KLF12: variants seen among roughly 807,000 people sequenced by gnomAD.
The protein encoded by KLF12 is Krueppel-like factor 12.
Under a neutral mutation model 37.8 loss-of-function variants are expected in KLF12, and 9 were observed. The ratio of observed to expected loss-of-function variants is 0.24; its 90% CI spans 0.14 to 0.42. The LOEUF is 0.42. KLF12 is among the 10% of genes least tolerant of loss of function. KLF12 has a pLI of 1.00. For synonymous variants in KLF12, 208 were observed against 202.1 expected (o/e 1.03, Z -0.25); for missense variants, 411 against 516.0 (o/e 0.80, Z 1.97).
intron 4 of KLF12, among the ~76,000 whole-genome samples, chr13:73,819,956 G>C (rs1883432840): frequency 6.6e-6 from 1 of 152,158 alleles, no homozygotes; most frequent in Non-Finnish European, 1.5e-5. Context: ...GCTGTGGCTG[G>C]AACCAATACA....
At chr13:74,218,481 C>T in the KLF12 span, among the ~76,000 whole-genome samples, 1 of 152,074 alleles carries the variant, frequency 6.6e-6, no homozygotes, top group Non-Finnish European at 1.5e-5. Context: ...TACTAACTGC[C>T]CCCGCTCCGC....
chr13:74,275,982 C>T, the KLF12 span, among the ~76,000 whole-genome samples: 1 of 148,272 alleles, frequency 6.7e-6, no homozygotes. Context: ...TACTTTAAGT[C>T]CTGGGATATA....
chr13:73,949,421 CTATTAA>C (rs1484435529), intron 2 of KLF12, among the ~76,000 whole-genome samples: 1 of 152,180 alleles, frequency 6.6e-6, no homozygotes, highest in Non-Finnish European at 1.5e-5. Flanking sequence ...TATTTCAAAG[CTATTAA>C]TATTTTTTTT....
intron 3 of KLF12, among the ~76,000 whole-genome samples, chr13:73,887,638 A>C (rs1358810375): frequency 7.2e-6 from 1 of 139,264 alleles, no homozygotes; most frequent in Admixed American, 7.6e-5. Flanking sequence ...GCCCAGTCTC[A>C]GGTATTTCTT....
intron 1 of KLF12, among the ~76,000 whole-genome samples, chr13:74,039,836 CTG>C (rs965742435): frequency 6.6e-6 from 1 of 152,230 alleles, no homozygotes; most frequent in African/African-American, 2.4e-5. Flanking sequence ...CTCCACTAAA[CTG>C]TTGTCTGACA....
intron 2 of KLF12, among the ~76,000 whole-genome samples, chr13:73,950,849 CA>C (rs1890618178): frequency 6.6e-6 from 1 of 152,172 alleles, no homozygotes; most frequent in Admixed American, 6.5e-5. Context: ...AAGCCAGAAA[CA>C]AGATCCTTTC....
chr13:73,954,891 C>T (rs942106306), intron 2 of KLF12, among the ~76,000 whole-genome samples: 14 of 152,128 alleles, frequency 9.2e-5, no homozygotes, highest in African/African-American at 3.4e-4. Flanking sequence ...ATATCTAATT[C>T]ATTTCACCCA....
chr13:74,235,957 T>A, the KLF12 span, among the ~76,000 whole-genome samples: 21 of 151,690 alleles, frequency 1.4e-4, no homozygotes, highest in African/African-American at 2.9e-4. Flanking sequence ...TATTTTTTTT[T>A]ATTATACTTT....
At chr13:74,227,475 T>G in the KLF12 span, among the ~76,000 whole-genome samples, 1 of 152,152 alleles carries the variant, frequency 6.6e-6, no homozygotes, top group Non-Finnish European at 1.5e-5. Flanking sequence ...CTCTTCATAT[T>G]TTTTTCCTCT....
the KLF12 span, among the ~76,000 whole-genome samples, chr13:74,164,822 A>G: frequency 6.6e-6 from 1 of 152,234 alleles, no homozygotes. Context: ...GACAAACTTC[A>G]CATATTCTCA....
intron 1 of KLF12, among the ~76,000 whole-genome samples, chr13:74,009,781 A>T (rs1356511666): frequency 6.6e-6 from 1 of 152,202 alleles, no homozygotes; most frequent in Non-Finnish European, 1.5e-5. Flanking sequence ...CCAAGCAAAC[A>T]CAGGAGAGTC....
At position 74,059,338 on chromosome 13, in the gene KLF12, T is replaced by C. The variant is rs541428800; in HGVS notation, c.-31-64285A>G. ...CTGGGTTGAATGGCAATTCTATTTT[T>C]AGTTTCTTGAGAAATCTCCAAACTG... is the stretch of plus-strand genomic sequence containing the variant. On this transcript the variant is annotated intron_variant, in intron 1 of 7. Transcript: ENST00000377669. Among the ~76,000 whole-genome samples, 31 of 152,362 alleles carry C rather than the reference T, an allele frequency of 2.0e-4. No homozygotes were observed. The South Asian group carries it at 4.4e-3, about 21-fold the overall frequency.
chr13:73,972,931 G>C (rs545275915), intron 2 of KLF12, among the ~76,000 whole-genome samples: 1 of 151,710 alleles, frequency 6.6e-6, no homozygotes, highest in Admixed American at 6.6e-5. Context: ...TGTATCTATC[G>C]TATAAACACT....
At chr13:74,141,793 C>T in the KLF12 span, among the ~76,000 whole-genome samples, 1 of 152,146 alleles carries the variant, frequency 6.6e-6, no homozygotes, top group Non-Finnish European at 1.5e-5. Context: ...CACATGAGTT[C>T]CTGGAGACCA....
intron 1 of KLF12, among the ~76,000 whole-genome samples, chr13:74,022,630 T>A (rs1441195404): frequency 6.7e-6 from 1 of 148,834 alleles, no homozygotes; most frequent in African/African-American, 2.5e-5. Flanking sequence ...CCACAGAACA[T>A]GCAATGGTGC....
chr13:74,129,317 T>G (rs1455880276), intron 1 of KLF12, among the ~76,000 whole-genome samples: 2 of 152,216 alleles, frequency 1.3e-5, no homozygotes, highest in African/African-American at 4.8e-5. Context: ...ATTGACTCCC[T>G]TAATGCAGAA....
At chr13:73,697,584 C>T (rs772890463) in intron 7 of KLF12, among the ~76,000 whole-genome samples, 2 of 152,124 alleles carry the variant, frequency 1.3e-5, no homozygotes, top group African/African-American at 4.8e-5. Context: ...TACATGTCAT[C>T]TCTACATGTT....
intron 7 of KLF12, among the ~76,000 whole-genome samples, chr13:73,706,493 TG>T (rs1255401535): frequency 6.6e-6 from 1 of 152,224 alleles, no homozygotes; most frequent in Non-Finnish European, 1.5e-5. Flanking sequence ...TAAGCATGTG[TG>T]TCTAAACAGT....
At chr13:73,861,693 T>C (rs1457441001) in intron 3 of KLF12, among the ~76,000 whole-genome samples, 1 of 152,180 alleles carries the variant, frequency 6.6e-6, no homozygotes, top group Non-Finnish European at 1.5e-5. Context: ...TGTGGAATTA[T>C]TCCGTTTTCC....
Sources: gnomAD v4.1 joint callset for allele counts (sites outside exome capture counted in the v4.1 genomes callset) on GRCh38, gnomAD v4.1.1 for gene constraint, MANE v1.5 for transcripts, NCBI Gene and HGNC (gene_info 2026-07-23, HGNC 2026-07-21) for gene names.